ARHGEF11: variants seen among roughly 807,000 people sequenced by gnomAD.
The protein encoded by ARHGEF11 is Rho guanine exchange factor (GEF) 11.
ARHGEF11 carries 55 observed loss-of-function variants against 193.7 expected under a neutral mutation model. The observed-to-expected ratio is 0.28, with a 90% CI of 0.23 to 0.36. ARHGEF11 has a LOEUF of 0.36. Among genes scored for constraint, ARHGEF11 ranks in the 10% least tolerant of loss-of-function variants. The probability of loss-of-function intolerance (pLI) is 1.00; values close to 1 mark genes in which losing one functional copy is unlikely to be tolerated. For synonymous variants in ARHGEF11, 693 were observed against 768.0 expected, an observed-to-expected ratio of 0.90 and a Z score of 1.62; for missense variants, 1,723 against 2,005.6, an observed-to-expected ratio of 0.86 and a Z score of 2.69.
At chr1:157,032,345 TAA>T (rs201157518) in intron 1 of ARHGEF11, among the ~76,000 whole-genome samples, 1,951 of 152,234 alleles carry the variant, frequency 0.013, 38 homozygotes, top group African/African-American at 0.044. Context: ...TCTGAGAACA[TAA>T]AAAGAGTTCG....
At position 156,959,842 on chromosome 1, in the gene ARHGEF11, C is replaced by T. The variant is rs534634007; in HGVS notation, c.1282+576G>A. 1.3e-4 allele frequency among the ~76,000 whole-genome samples: 19 copies of T among 151,768 alleles called. No individual in the cohort carries two copies. In the East Asian group the frequency reaches 1.8e-3, roughly 14 times the overall value. On this transcript the variant is annotated intron_variant, in intron 15 of 40. Coordinates refer to ENST00000368194, the MANE Select transcript of ARHGEF11 (RefSeq NM_198236.3). ...CTCATGATTAGAAGGAGAAGGGAGACGGGCACCATCTAGCCTGCCTGGTCC... is the reference window on the plus strand; with the variant it reads ...CTCATGATTAGAAGGAGAAGGGAGATGGGCACCATCTAGCCTGCCTGGTCC...
intron 30 of ARHGEF11, 23 bp downstream of exon 30, chr1:156,944,996 C>A (rs1235032395): frequency 3.1e-6 from 5 of 1,608,812 alleles, no homozygotes; most frequent in Non-Finnish European, 3.4e-6. Context: ...GAGGGGTTGA[C>A]TGCTGCAGCC....
chr1:156,982,869 C>G (rs1664387608), intron 3 of ARHGEF11, among the ~76,000 whole-genome samples: 1 of 152,182 alleles, frequency 6.6e-6, no homozygotes, highest in Non-Finnish European at 1.5e-5. Flanking sequence ...ATATGCAAAA[C>G]AAACCTCCCA....
At chr1:156,974,365 G>C (rs1662961930) in intron 7 of ARHGEF11, among the ~76,000 whole-genome samples, 1 of 152,032 alleles carries the variant, frequency 6.6e-6, no homozygotes, top group Non-Finnish European at 1.5e-5. Flanking sequence ...ACCACTCCTG[G>C]TCCCACTGAC....
At chr1:156,979,328 G>GAAGGATCCC in intron 4 of ARHGEF11, 42 bp from the exon 5 acceptor site, 2 of 1,471,880 alleles carry the variant, frequency 1.4e-6, no homozygotes, top group Non-Finnish European at 1.9e-6. Context: ...GTAATGAACA[G>GAAGGATCCC]CTAGGGGATC....
intron 7 of ARHGEF11, among the ~76,000 whole-genome samples, chr1:156,973,558 G>C (rs1040118201): frequency 1.2e-4 from 18 of 152,140 alleles, no homozygotes; most frequent in African/African-American, 4.3e-4. Flanking sequence ...TTTCTCCTAA[G>C]TTCAGCCCTG....
chr1:156,992,626 TA>T (rs1410056931), intron 1 of ARHGEF11, among the ~76,000 whole-genome samples: 5 of 152,188 alleles, frequency 3.3e-5, no homozygotes, highest in East Asian at 3.8e-4. Flanking sequence ...TATATATATA[TA>T]TATTTTAAAA....
chr1:156,976,160 A>C (rs1349126243), intron 7 of ARHGEF11, among the ~76,000 whole-genome samples: 2 of 152,144 alleles, frequency 1.3e-5, no homozygotes, highest in Non-Finnish European at 2.9e-5. Flanking sequence ...GCAAGGACTC[A>C]GTGCTTGTGA....
rs1267886118 is a variant in ARHGEF11, at chr1:157,036,996, C to T, written c.32+7303G>A. Among the ~76,000 whole-genome samples the T allele has an allele frequency of 3.9e-5, 6 of 152,082 alleles. No individual in the cohort carries two copies. The South Asian group carries it at 1.0e-3, about 26-fold the overall frequency. On this transcript the variant is annotated intron_variant, in intron 1 of 40. Coordinates refer to ENST00000368194, the MANE Select transcript of ARHGEF11 (RefSeq NM_198236.3). ...ATAAAAACTTAGCCAGGCATGGGAT[C>T]AGGCACCTGTAATCCCAGCTACTCA...
At chr1:157,004,524 ATCTT>A (rs1419930229) in intron 1 of ARHGEF11, among the ~76,000 whole-genome samples, 1 of 152,122 alleles carries the variant, frequency 6.6e-6, no homozygotes, top group Non-Finnish European at 1.5e-5. Flanking sequence ...GGCTGACTCC[ATCTT>A]TCTACTTCTC....
At chr1:157,039,678 C>T (rs915297174) in intron 1 of ARHGEF11, among the ~76,000 whole-genome samples, 31 of 151,942 alleles carry the variant, frequency 2.0e-4, no homozygotes, top group Non-Finnish European at 2.9e-5. Flanking sequence ...TTCCAAGCCA[C>T]GTGATATATC....
rs745371911 is a variant in ARHGEF11, at chr1:156,948,316, C to T, written c.2105+3G>A. ...TGGGTGCAGCCGTTGTAGCCCTGCC[C>T]ACCTGGTGGAGAGGCTGGAGGTAGA... is the stretch of plus-strand genomic sequence containing the variant. On this transcript the variant is annotated splice_donor_region_variant and intron_variant, in intron 23 of 40. Coordinates refer to ENST00000368194, the MANE Select transcript of ARHGEF11 (RefSeq NM_198236.3). The surrounding 1 kb of genome is among the most constrained non-coding windows in gnomAD (Gnocchi z 4.2). The T allele has an allele frequency of 2.0e-5, 33 of 1,613,606 alleles. No individual in the cohort carries two copies. Among genetic ancestry groups the T allele is most frequent in the Non-Finnish European group, 2.6e-5 (31 of 1,179,658 alleles).
At chr1:157,043,355 C>T (rs1221833807) in intron 1 of ARHGEF11, among the ~76,000 whole-genome samples, 1 of 152,158 alleles carries the variant, frequency 6.6e-6, no homozygotes, top group African/African-American at 2.4e-5. Flanking sequence ...GCAAGGTTCT[C>T]ATGGGGAGAA....
chr1:156,948,027 C>T lies in ARHGEF11; in HGVS notation c.2154-71G>A. The T allele has an allele frequency of 6.4e-7, 1 of 1,564,920 alleles. No homozygotes were observed. The highest frequency in any genetic ancestry group is 8.7e-7 in the Non-Finnish European group (1 of 1,149,618). On this transcript the variant is annotated intron_variant, in intron 24 of 40. Transcript: ENST00000368194. The surrounding 1 kb of genome is among the most constrained non-coding windows in gnomAD (Gnocchi z 4.2). Reference sequence around the variant, plus strand: ...ACACAGAGGGTTTGGCCCTCCCTCTCCTGCCCGACCTGCTTGCCCCATGCA... The same window carrying T: ...ACACAGAGGGTTTGGCCCTCCCTCTTCTGCCCGACCTGCTTGCCCCATGCA...
At chr1:157,007,289 T>C (rs1008005869) in intron 1 of ARHGEF11, among the ~76,000 whole-genome samples, 7 of 151,902 alleles carry the variant, frequency 4.6e-5, no homozygotes, top group Admixed American at 1.3e-4. Flanking sequence ...GATGGTTATA[T>C]GGAAAGATGT....
chr1:156,959,210 G>A (rs1345766285), intron 15 of ARHGEF11, 68 bp from the exon 16 acceptor site: 1 of 1,386,780 alleles, frequency 7.2e-7, no homozygotes, highest in Non-Finnish European at 1.0e-6. Flanking sequence ...CCCTTCTGCT[G>A]AGCATCTCAA....
chr1:156,945,446 C>G (rs1326796283), intron 29 of ARHGEF11: 1 of 520,362 alleles, frequency 1.9e-6, no homozygotes, highest in African/African-American at 1.9e-5. Flanking sequence ...CCTGCCTCTA[C>G]TACAACCAGC....
chr1:156,949,405 C>T (rs898471632), intron 22 of ARHGEF11, among the ~76,000 whole-genome samples: 5 of 152,156 alleles, frequency 3.3e-5, no homozygotes, highest in African/African-American at 1.2e-4. Context: ...TAGTAATCTA[C>T]ATCCTGCTCT....
Position 156,945,026 on chromosome 1 carries a change from T to C in ARHGEF11, c.2984A>G (p.Glu995Gly), listed in dbSNP as rs763693835. The change falls in exon 30 of 41, where the codon GAG becomes GGG. Residue 995 changes from glutamate (E) to glycine (G), a missense_variant. Transcript: ENST00000368194. ...GCAGCCTCTGCCTCCTACCTTGAAC[T>C]CTGCTGCCAGGGGGTTGCTGGCCCT... ...LERASNPLAA[E>G]FKSLDLTTRK... 56 of 1,613,636 alleles carry C rather than the reference T, an allele frequency of 3.5e-5. No homozygotes were observed. Among genetic ancestry groups the C allele is most frequent in the Non-Finnish European group, 4.7e-5 (55 of 1,179,960 alleles).
Sources: allele counts gnomAD v4.1 joint callset (sites outside exome capture counted in the v4.1 genomes callset), GRCh38; gene constraint gnomAD v4.1.1; non-coding constraint Gnocchi (gnomAD v3.1); transcripts MANE v1.5; gene names NCBI Gene and HGNC (gene_info 2026-07-23, HGNC 2026-07-21).